The following UBE2E2 variants were observed in gnomAD, a reference collection of about 807,000 sequenced individuals.
The protein encoded by UBE2E2 is ubiquitin-conjugating enzyme E2 E2.
UBE2E2 carries 6 observed loss-of-function variants against 24.7 expected under a neutral mutation model. The ratio of observed to expected loss-of-function variants is 0.24; its 90% confidence interval spans 0.13 to 0.48. UBE2E2 has a LOEUF of 0.48. UBE2E2 is among the 20% of genes least tolerant of loss of function. The pLI, the probability that UBE2E2 is intolerant of heterozygous loss-of-function variation, is 0.99. For missense variants in UBE2E2, 169 were observed against 245.0 expected (o/e 0.69, Z 2.07); for synonymous variants, 104 against 83.6 (o/e 1.24, Z -1.33).
At chr3:23,298,694 A>C (rs1698982788) in intron 3 of UBE2E2, among the ~76,000 whole-genome samples, 1 of 151,700 alleles carries the variant, frequency 6.6e-6, no homozygotes, top group Non-Finnish European at 1.5e-5. Context: ...GTTTGCCAGT[A>C]TTTTATTGAG....
chr3:23,293,651 A>G (rs1346847779), intron 3 of UBE2E2, among the ~76,000 whole-genome samples: 1 of 152,230 alleles, frequency 6.6e-6, no homozygotes, highest in African/African-American at 2.4e-5. Context: ...TGAATGAGCT[A>G]TTATTAAAAT....
intron 3 of UBE2E2, among the ~76,000 whole-genome samples, chr3:23,270,529 T>A (rs2125362319): frequency 6.6e-6 from 1 of 152,260 alleles, no homozygotes; most frequent in Middle Eastern, 3.4e-3. Flanking sequence ...CGTTCTGTTC[T>A]CCTTCTCCCC....
intron 3 of UBE2E2, among the ~76,000 whole-genome samples, chr3:23,352,560 C>G (rs1241518934): frequency 6.6e-6 from 1 of 152,078 alleles, no homozygotes; most frequent in Non-Finnish European, 1.5e-5. Context: ...ATATCACCAC[C>G]AATCCCACAG....
At chr3:23,383,621 A>G (rs1203248619) in intron 3 of UBE2E2, among the ~76,000 whole-genome samples, 1 of 150,776 alleles carries the variant, frequency 6.6e-6, no homozygotes, top group Non-Finnish European at 1.5e-5. Context: ...TTATTTGGAA[A>G]AGATACTGAG....
At chr3:23,227,352 G>A (rs1696854987) in intron 3 of UBE2E2, among the ~76,000 whole-genome samples, 1 of 151,792 alleles carries the variant, frequency 6.6e-6, no homozygotes, top group Non-Finnish European at 1.5e-5. Flanking sequence ...ATATATTTTT[G>A]TCAGCCAGCT....
rs1249898978 is a variant in UBE2E2 at position 23,589,835 on chromosome 3, C to T, written c.*4C>T. 4.3e-6 allele frequency: 7 copies of T among 1,614,088 alleles called. 1 individual carries two copies. In the Admixed American group the frequency reaches 1.2e-4, roughly 27 times the overall value. On this transcript the variant is annotated 3_prime_UTR_variant, in exon 6 of 6. Coordinates refer to ENST00000396703, the MANE Select transcript of UBE2E2 (RefSeq NM_152653.4). This position sits in a 1 kb window ranked among gnomAD's most constrained non-coding sequence, Gnocchi z 4.1. Reference sequence around the variant, plus strand: ...GACCAAGCGGTACGCCACATAGGGGCCTGCTGCCTGCCGCCCCGCGGGACC... The same window carrying T: ...GACCAAGCGGTACGCCACATAGGGGTCTGCTGCCTGCCGCCCCGCGGGACC...
rs574461544 is a variant in UBE2E2 at position 23,565,444 on chromosome 3, C to CTTTTTT, written c.509-24268_509-24263dup. Among the ~76,000 whole-genome samples, 4 of 46,234 alleles carry CTTTTTT rather than the reference C, an allele frequency of 8.7e-5. 1 individual carries two copies. The highest frequency in any genetic ancestry group is 1.5e-4 in the Non-Finnish European group (4 of 26,446). The allele number at this position is 46,234 out of a possible 152,430, so 30.3% of individuals were successfully genotyped here. On this transcript the variant is annotated intron_variant, in intron 5 of 5. Transcript: ENST00000396703. ...GTCCTTATCCCAAAAATAGGCATGG[C>CTTTTTT]TTTTTTTTTTTTTTTTTTTTTTTTT...
At chr3:23,568,592 C>G (rs1366850914) in intron 5 of UBE2E2, among the ~76,000 whole-genome samples, 4 of 105,174 alleles carry the variant, frequency 3.8e-5, no homozygotes, top group African/African-American at 1.5e-4. Flanking sequence ...TAATTATATA[C>G]ATATATATGT....
At chr3:23,369,624 G>T (rs1203454668) in intron 3 of UBE2E2, among the ~76,000 whole-genome samples, 1 of 152,064 alleles carries the variant, frequency 6.6e-6, no homozygotes, top group Admixed American at 6.6e-5. Flanking sequence ...ATGCTCTTAG[G>T]AATATGGGAA....
intron 3 of UBE2E2, among the ~76,000 whole-genome samples, chr3:23,363,271 T>C (rs565200712): frequency 2.0e-5 from 3 of 152,280 alleles, no homozygotes; most frequent in African/African-American, 7.2e-5. Flanking sequence ...GCTAACAACA[T>C]GATGATGAAA....
chr3:23,370,021 A>G (rs767391378), intron 3 of UBE2E2, among the ~76,000 whole-genome samples: 7 of 152,188 alleles, frequency 4.6e-5, no homozygotes, highest in Non-Finnish European at 7.3e-5. Flanking sequence ...TAAGTTCTCC[A>G]TGCTGTTGTA....
chr3:23,460,190 T>A (rs1698777442), intron 3 of UBE2E2, among the ~76,000 whole-genome samples: 2 of 152,214 alleles, frequency 1.3e-5, no homozygotes, highest in Admixed American at 1.3e-4. Flanking sequence ...AGAGGTCCTC[T>A]GGCACAGAAT....
intron 3 of UBE2E2, among the ~76,000 whole-genome samples, chr3:23,381,620 CTGAA>C: frequency 6.6e-6 from 1 of 152,110 alleles, no homozygotes; most frequent in East Asian, 1.9e-4. Context: ...ACTTATCCCC[CTGAA>C]TTATGTTAAT....
At chr3:23,566,509 A>G (rs1575711794) in intron 5 of UBE2E2, among the ~76,000 whole-genome samples, 2 of 152,192 alleles carry the variant, frequency 1.3e-5, no homozygotes, top group South Asian at 4.1e-4. Flanking sequence ...TTTATAAAGA[A>G]AAAGTTTTAT....
chr3:23,450,945 A>G (rs1286456680), intron 3 of UBE2E2, among the ~76,000 whole-genome samples: 1 of 152,258 alleles, frequency 6.6e-6, no homozygotes, highest in Non-Finnish European at 1.5e-5. Flanking sequence ...TTAAATTTGT[A>G]GTTTTACTGG....
chr3:23,529,260 G>T (rs1443728383), intron 4 of UBE2E2, among the ~76,000 whole-genome samples: 1 of 152,136 alleles, frequency 6.6e-6, no homozygotes, highest in African/African-American at 2.4e-5. Context: ...AAATTACATA[G>T]AACTAAATAT....
At chr3:23,275,699 T>TA (rs1446670787) in intron 3 of UBE2E2, among the ~76,000 whole-genome samples, 2 of 152,012 alleles carry the variant, frequency 1.3e-5, no homozygotes, top group African/African-American at 4.8e-5. Context: ...AAACAAAACT[T>TA]AAAAAGAAAT....
intron 4 of UBE2E2, among the ~76,000 whole-genome samples, chr3:23,522,902 T>A (rs530340391): frequency 3.8e-4 from 57 of 150,558 alleles, no homozygotes; most frequent in Admixed American, 3.6e-3. Context: ...GAAAAAAAAA[T>A]GCCCACTGAG....
chr3:23,420,079 C>A (rs947542829), intron 3 of UBE2E2, among the ~76,000 whole-genome samples: 1 of 152,174 alleles, frequency 6.6e-6, no homozygotes, highest in African/African-American at 2.4e-5. Flanking sequence ...GAGAGTCTAT[C>A]ATGAAAAATT....
Sources: gnomAD v4.1 joint callset for allele counts (sites outside exome capture counted in the v4.1 genomes callset) on GRCh38, gnomAD v4.1.1 for gene constraint, Gnocchi (gnomAD v3.1) non-coding constraint, MANE v1.5 for transcripts, NCBI Gene and HGNC (gene_info 2026-07-23, HGNC 2026-07-21) for gene names.